The following BRCA2 variants were observed in gnomAD, a reference collection of about 807,000 sequenced individuals.
BRCA2 encodes BRCA2 DNA repair associated.
In BRCA2, 203 loss-of-function variants were observed where a neutral mutation model predicts 276.7. That is an observed-to-expected ratio of 0.73 (90% CI 0.65 to 0.82). The LOEUF (loss-of-function observed/expected upper bound fraction) is 0.82, where lower values mean the gene tolerates loss of function less well. Among genes scored for constraint, BRCA2 ranks in the 40% least tolerant of loss-of-function variants. BRCA2 has a pLI of 0.00. For missense variants in BRCA2, 3,920 were observed against 3,915.0 expected (o/e 1.00, Z -0.03); for synonymous variants, 1,289 against 1,338.4 (o/e 0.96, Z 0.81).
chr13:32,334,964 C>T (rs1027403847), intron 10 of BRCA2, among the ~76,000 whole-genome samples: 1 of 152,152 alleles, frequency 6.6e-6, no homozygotes, highest in African/African-American at 2.4e-5. Flanking sequence ...GTTGGTGAGA[C>T]CACAGTACAG....
rs2072664350 is a variant in BRCA2, at chr13:32,353,276, CTCTT to C, written c.7008-1583_7008-1580del. On this transcript the variant is annotated intron_variant, in intron 13 of 26. Coordinates refer to ENST00000380152, the MANE Select transcript of BRCA2 (RefSeq NM_000059.4). Reference sequence around the variant, plus strand: ...AATTGTCCCTCCTCTTTTCACTTATCTCTTTGAGTACTCTCCTGAACCCAGTCTA... The same window carrying C: ...AATTGTCCCTCCTCTTTTCACTTATCTGAGTACTCTCCTGAACCCAGTCTA... Among the ~76,000 whole-genome samples the C allele has an allele frequency of 3.3e-5, 5 of 152,278 alleles. No individual in the cohort carries two copies. In the South Asian group the frequency reaches 1.0e-3, roughly 32 times the overall value.
Position 32,370,564 on chromosome 13 carries a change from T to C in BRCA2, c.8487+7T>C, listed in dbSNP as rs2072824208. On this transcript the variant is annotated splice_region_variant and intron_variant, in intron 19 of 26. Transcript: ENST00000380152. ...AAGAGCATACCCTATACAGGTATGA[T>C]GTATTCTTGAAACTTACCATATATT... 1.9e-6 allele frequency: 3 copies of C among 1,608,398 alleles called. No individual in the cohort carries two copies. Among genetic ancestry groups the C allele is most frequent in the South Asian group, 2.2e-5 (2 of 90,980 alleles).
rs116486565 is a variant in BRCA2, at chr13:32,336,222, T to C, written c.1910-43T>C. The C allele has an allele frequency of 5.8e-4, 904 of 1,568,628 alleles. 2 individuals carry two copies. The African/African-American group carries it at 0.011, about 19-fold the overall frequency. Reference sequence around the variant, plus strand: ...AGTGAAAAATATTTAGTGAATGTGATTGATGGTACTTTAATTTTGTCACTT... The same window carrying C: ...AGTGAAAAATATTTAGTGAATGTGACTGATGGTACTTTAATTTTGTCACTT... On this transcript the variant is annotated intron_variant, in intron 10 of 26. Transcript: ENST00000380152.
At position 32,326,524 on chromosome 13, in the gene BRCA2, C is replaced by A. The variant is rs1555281052; in HGVS notation, c.542C>A (p.Ser181Tyr). The change falls in exon 7 of 27, where the codon TCT becomes TAT. Residue 181 changes from serine to tyrosine, a missense_variant. By Grantham distance (144) the Ser-to-Tyr change is moderately radical (BLOSUM62 -2). Around this residue, in one of 2 missense-constraint regions of BRCA2, gnomAD observed 3,263 missense variants for 3,156.9 expected, o/e 1.03. Coordinates refer to ENST00000380152, the MANE Select transcript of BRCA2 (RefSeq NM_000059.4). Reference protein sequence around the residue: ...VKGRQTPKHISESLGAEVDPD... With the variant: ...VKGRQTPKHIYESLGAEVDPD... ...GGTCGTCAGACACCAAAACATATTT[C>A]TGAAAGTCTAGGAGCTGAGGTGGAT... The A allele has an allele frequency of 6.2e-7, 1 of 1,613,738 alleles. No individual in the cohort carries two copies. Among genetic ancestry groups the A allele is most frequent in the Non-Finnish European group, 8.5e-7 (1 of 1,179,672 alleles).
In BRCA2 at chr13:32,386,106, C is replaced by A. The variant is rs182035795; in HGVS notation, c.9256+5961C>A. The A allele has an allele frequency of 1.6e-3, 287 of 175,752 alleles. 1 individual carries two copies. Among genetic ancestry groups the A allele is most frequent in the African/African-American group, 6.4e-3 (275 of 42,880 alleles). 10.9% of individuals were successfully genotyped at this position (175,752 alleles called of 1,614,324 possible). ...TTTTAGAACTCTGTGGGACAGGGTC[C>A]TTAGGCACTCAAATATTGACCACTT... On this transcript the variant is annotated intron_variant, in intron 24 of 26. Coordinates refer to ENST00000380152, the MANE Select transcript of BRCA2 (RefSeq NM_000059.4).
intron 25 of BRCA2, among the ~76,000 whole-genome samples, chr13:32,395,418 T>G (rs1238203472): frequency 6.6e-6 from 1 of 152,200 alleles, no homozygotes; most frequent in Non-Finnish European, 1.5e-5. Flanking sequence ...ATATATACAT[T>G]ATATAATATT....
rs2072263354 is a variant in BRCA2 at position 32,316,593 on chromosome 13, TA to T, written c.67+71del. ...AAAGTGTTTTCTAAAAAATGCTTGC[TA>T]AAAACCCAGTACGTCACAGTGTTGC... On this transcript the variant is annotated intron_variant, in intron 2 of 26. Coordinates refer to ENST00000380152, the MANE Select transcript of BRCA2 (RefSeq NM_000059.4). 4 of 1,412,290 alleles carry T rather than the reference TA, an allele frequency of 2.8e-6. No homozygotes were observed. In the South Asian group the frequency reaches 4.9e-5, roughly 17 times the overall value. 87.5% of individuals were successfully genotyped at this position (1,412,290 alleles called of 1,614,324 possible). A position where few individuals can be genotyped will look rare whatever the true frequency, so the allele number is the denominator to read the frequency against.
chr13:32,391,529 G>A (rs2072996820), intron 24 of BRCA2, among the ~76,000 whole-genome samples: 1 of 152,228 alleles, frequency 6.6e-6, no homozygotes, highest in African/African-American at 2.4e-5. Flanking sequence ...CCAGAAGCTG[G>A]AGGATCACAT....
Position 32,344,555 on chromosome 13 carries a change from T to C in BRCA2, c.6842-3T>C, listed in dbSNP as rs1566236846. The stretch of plus-strand genomic sequence containing the variant: ...AAAACATATATGAAATATTTCTTTT[T>C]AGGAGAACCCTCAATCAAAAGAAAC... On this transcript the variant is annotated splice_polypyrimidine_tract_variant and splice_region_variant and intron_variant, in intron 11 of 26. Coordinates refer to ENST00000380152, the MANE Select transcript of BRCA2 (RefSeq NM_000059.4). The C allele has an allele frequency of 1.3e-6, 2 of 1,501,958 alleles. No individual in the cohort carries two copies. The highest frequency in any genetic ancestry group is 1.8e-6 in the Non-Finnish European group (2 of 1,082,850). The allele number at this position is 1,501,958 out of a possible 1,614,324, so 93.0% of individuals were successfully genotyped here.
At chr13:32,341,652 G>A (rs2072571084) in intron 11 of BRCA2, among the ~76,000 whole-genome samples, 1 of 151,940 alleles carries the variant, frequency 6.6e-6, no homozygotes, top group African/African-American at 2.4e-5. Flanking sequence ...GGATCACGAG[G>A]TCAGGAGATC....
intron 21 of BRCA2, among the ~76,000 whole-genome samples, chr13:32,377,649 ATAAT>A (rs1313524156): frequency 2.1e-4 from 32 of 152,224 alleles, no homozygotes; most frequent in African/African-American, 7.5e-4. Context: ...GATCAAATAA[ATAAT>A]CTATATAAAA....
rs2072757385 is a variant in BRCA2 at position 32,363,354 on chromosome 13, A to G, written c.8152A>G (p.Ile2718Val). The G allele has an allele frequency of 1.2e-6, 2 of 1,614,152 alleles. No homozygotes were observed. Among genetic ancestry groups the G allele is most frequent in the African/African-American group, 1.3e-5 (1 of 75,036 alleles). The change falls in exon 18 of 27, where the codon ATT (isoleucine) becomes GTT (valine). Residue 2718 changes from isoleucine to valine, a missense_variant. Physicochemically the swap from Ile to Val is conservative, Grantham distance 29 (BLOSUM62 3). Coordinates refer to ENST00000380152, the MANE Select transcript of BRCA2 (RefSeq NM_000059.4). Reference sequence around the variant, plus strand: ...TAGTGCAGATACCCAAAAAGTGGCCATTATTGAACTTACAGATGGGTGGTA... The same window carrying G: ...TAGTGCAGATACCCAAAAAGTGGCCGTTATTGAACTTACAGATGGGTGGTA... ...TSSADTQKVA[I>V]IELTDGWYAV...
intron 20 of BRCA2, among the ~76,000 whole-genome samples, chr13:32,372,681 A>C (rs1330585437): frequency 6.6e-6 from 1 of 152,176 alleles, no homozygotes; most frequent in African/African-American, 2.4e-5. Flanking sequence ...AAACCATATC[A>C]TTCTGCCCTG....
chr13:32,338,354 C>T lies in BRCA2; in HGVS notation c.3999C>T (p.Asn1333=). The part of the protein sequence containing the change: ...KYTAASRNSH[N]LEFDGSDSSK... ...CTGCTGCCAGTAGAAATTCTCATAACTTAGAATTTGATGGCAGTGATTCAA... is the reference window on the plus strand; with the variant it reads ...CTGCTGCCAGTAGAAATTCTCATAATTTAGAATTTGATGGCAGTGATTCAA... The change falls in exon 11 of 27, where the codon AAC becomes AAT. Residue 1333 remains asparagine, a synonymous_variant. Transcript: ENST00000380152. 3.8e-6 allele frequency: 6 copies of T among 1,585,934 alleles called. No homozygotes were observed. Among genetic ancestry groups the T allele is most frequent in the Non-Finnish European group, 5.1e-6 (6 of 1,168,524 alleles).
chr13:32,333,425 A>G (rs1276175938), intron 10 of BRCA2, 38 bp downstream of exon 10: 1 of 1,579,334 alleles, frequency 6.3e-7, no homozygotes. Flanking sequence ...TAGTACATAT[A>G]GTTTTATAGA....
intron 11 of BRCA2, among the ~76,000 whole-genome samples, chr13:32,343,400 C>A (rs895750166): frequency 6.6e-6 from 1 of 152,142 alleles, no homozygotes; most frequent in African/African-American, 2.4e-5. Flanking sequence ...CCTGTCTAGA[C>A]CCCATGTATT....
intron 7 of BRCA2, among the ~76,000 whole-genome samples, chr13:32,327,643 A>G (rs1487138535): frequency 1.3e-5 from 2 of 151,598 alleles, no homozygotes; most frequent in Non-Finnish European, 2.9e-5. Flanking sequence ...ACTGCACTCC[A>G]GCCTGGGCAA....
At chr13:32,325,878 C>T (rs1347540057) in intron 4 of BRCA2, among the ~76,000 whole-genome samples, 3 of 152,164 alleles carry the variant, frequency 2.0e-5, no homozygotes, top group Non-Finnish European at 4.4e-5. Flanking sequence ...ACACGGTTTC[C>T]AGCAGCTGAA....
chr13:32,361,593 C>T (rs1467465146), intron 16 of BRCA2, among the ~76,000 whole-genome samples: 1 of 152,110 alleles, frequency 6.6e-6, no homozygotes, highest in East Asian at 1.9e-4. Context: ...ATTGATGATG[C>T]AGGAGAGAGA....
Sources: allele counts gnomAD v4.1 joint callset (sites outside exome capture counted in the v4.1 genomes callset), GRCh38; gene constraint gnomAD v4.1.1; regional missense constraint gnomAD v4.1.1; transcripts MANE v1.5; gene names NCBI Gene and HGNC (gene_info 2026-07-23, HGNC 2026-07-21).